The following SUDS3 variants were observed in gnomAD, a reference collection of about 807,000 sequenced individuals.
The protein encoded by SUDS3 is sin3 histone deacetylase corepressor complex component SDS3.
A neutral mutation model predicts 53.5 loss-of-function variants in SUDS3; 23 were observed. The observed-to-expected ratio is 0.43, with a 90% CI of 0.31 to 0.61. SUDS3 has a LOEUF of 0.61. Among genes scored for constraint, SUDS3 ranks in the 20% least tolerant of loss-of-function variants. The pLI, the probability that SUDS3 is intolerant of heterozygous loss-of-function variation, is 0.10. For synonymous variants in SUDS3, 150 were observed against 148.5 expected (o/e 1.01, Z -0.08); for missense variants, 291 against 405.9 (o/e 0.72, Z 2.43).
intron 10 of SUDS3, among the ~76,000 whole-genome samples, chr12:118,406,989 C>T (rs1373448945): frequency 6.6e-6 from 1 of 151,842 alleles, no homozygotes; most frequent in Admixed American, 6.6e-5. Flanking sequence ...CTTGATCCCC[C>T]TGGCTCAAGC....
rs201151599 is a variant in SUDS3, at chr12:118,401,802, T to C, written c.657T>C (p.Asp219=). The C allele has an allele frequency of 6.8e-6, 11 of 1,613,960 alleles. No individual in the cohort carries two copies. The highest frequency in any genetic ancestry group is 2.7e-5 in the African/African-American group (2 of 75,066). ...TAACAGATGAACAGATCATGGAGGA[T>C]CTGAGAACATTAAATAAGGTACGGT... ...YLLTDEQIME[D]LRTLNKLKSP... is the part of the protein sequence containing the mutation. Residue 219 remains aspartate, a synonymous_variant, in exon 8 of 12, where the codon GAT becomes GAC. Coordinates refer to ENST00000543473, the MANE Select transcript of SUDS3 (RefSeq NM_022491.3).
chr12:118,381,289 C>A (rs1284394853), intron 2 of SUDS3, among the ~76,000 whole-genome samples: 2 of 151,996 alleles, frequency 1.3e-5, no homozygotes, highest in African/African-American at 4.8e-5. Flanking sequence ...ACCACAACCT[C>A]CACCTCCCAG....
At chr12:118,407,053 T>C (rs1028202826) in intron 10 of SUDS3, among the ~76,000 whole-genome samples, 3 of 151,886 alleles carry the variant, frequency 2.0e-5, no homozygotes, top group Non-Finnish European at 4.4e-5. Context: ...TCCATTACCA[T>C]GCCTGGCTAA....
chr12:118,404,531 A>G (rs1322441767), intron 10 of SUDS3: 2 of 152,246 alleles, frequency 1.3e-5, no homozygotes, highest in Admixed American at 6.5e-5. Flanking sequence ...TCATTCAACA[A>G]ACATTTCTTC....
chr12:118,382,668 T>C (rs1179649073), intron 2 of SUDS3, among the ~76,000 whole-genome samples: 1 of 101,150 alleles, frequency 9.9e-6, no homozygotes, highest in Admixed American at 9.6e-5. Flanking sequence ...TGCCCAGCCT[T>C]TTTTTTTTTT....
intron 4 of SUDS3, among the ~76,000 whole-genome samples, chr12:118,389,703 A>G (rs1456955508): frequency 2.0e-5 from 3 of 152,074 alleles, no homozygotes; most frequent in Admixed American, 6.6e-5. Context: ...TTTAGTAGAG[A>G]TGGGGTTTCG....
rs2046280933 is a variant in SUDS3, at chr12:118,403,375, T to C, written c.698-37T>C. On this transcript the variant is annotated intron_variant, in intron 9 of 11. Transcript: ENST00000543473. Reference sequence around the variant, plus strand: ...TAACTGGTAGACTCGCATGTGTTTGTTACATTCTTAGTCACGTAAGTATTG... The same window carrying C: ...TAACTGGTAGACTCGCATGTGTTTGCTACATTCTTAGTCACGTAAGTATTG... The C allele has an allele frequency of 2.0e-6, 3 of 1,516,172 alleles. No homozygotes were observed. In the South Asian group the frequency reaches 3.5e-5, roughly 18 times the overall value. 93.9% of individuals were successfully genotyped at this position (1,516,172 alleles called of 1,614,324 possible).
chr12:118,381,038 A>G (rs1217695373), intron 2 of SUDS3, among the ~76,000 whole-genome samples: 1 of 152,078 alleles, frequency 6.6e-6, no homozygotes. Context: ...GGGCAAACCA[A>G]TGCACAGAGA....
intron 10 of SUDS3, 41 bp downstream of exon 10, chr12:118,403,558 G>T: frequency 6.7e-7 from 1 of 1,501,622 alleles, no homozygotes; most frequent in South Asian, 1.2e-5. Context: ...AGTCTCATAT[G>T]AACCACTTGG....
intron 2 of SUDS3, among the ~76,000 whole-genome samples, chr12:118,380,982 C>T (rs979034159): frequency 3.9e-5 from 6 of 152,118 alleles, no homozygotes; most frequent in Non-Finnish European, 7.4e-5. Flanking sequence ...GGATTACAGG[C>T]GCGAGCCACT....
At chr12:118,391,323 CG>C (rs538977281) in intron 6 of SUDS3, 41 bp downstream of exon 6, 25 of 1,564,378 alleles carry the variant, frequency 1.6e-5, no homozygotes, top group Middle Eastern at 1.7e-4. Context: ...GGGCCCTGAG[CG>C]GGGGGGTGTG....
In SUDS3 at chr12:118,376,825, C is replaced by G. The variant is rs765352402; in HGVS notation, c.134C>G (p.Ser45Trp). ...DDERSCRGRE[S>W]DEDTEDASET... Reference sequence around the variant, plus strand: ...GAGCGCAGCTGTCGGGGCCGCGAGTCGGACGAAGGTGAGTCCTGCCGCTCG... The same window carrying G: ...GAGCGCAGCTGTCGGGGCCGCGAGTGGGACGAAGGTGAGTCCTGCCGCTCG... The change falls in exon 1 of 12, where the codon TCG (serine) becomes TGG (tryptophan). Residue 45 changes from serine (S) to tryptophan (W), a missense_variant. Transcript: ENST00000543473. 1.3e-6 allele frequency: 2 copies of G among 1,519,030 alleles called. No individual in the cohort carries two copies. The highest frequency in any genetic ancestry group is 2.4e-5 in the South Asian group (2 of 82,932). 94.1% of individuals were successfully genotyped at this position (1,519,030 alleles called of 1,614,324 possible). A position where few individuals can be genotyped will look rare whatever the true frequency, so the allele number is the denominator to read the frequency against.
At chr12:118,378,211 G>A (rs986246237) in intron 1 of SUDS3, among the ~76,000 whole-genome samples, 1 of 152,078 alleles carries the variant, frequency 6.6e-6, no homozygotes, top group African/African-American at 2.4e-5. Context: ...AACAGTTTTC[G>A]TTTGATCATC....
At chr12:118,393,091 A>G (rs920425504) in intron 6 of SUDS3, among the ~76,000 whole-genome samples, 14 of 152,356 alleles carry the variant, frequency 9.2e-5, no homozygotes, top group African/African-American at 3.1e-4. Context: ...TGGTATGGAA[A>G]GCACTGCCAA....
At chr12:118,410,844 G>C (rs934961063) in intron 10 of SUDS3, among the ~76,000 whole-genome samples, 2 of 152,052 alleles carry the variant, frequency 1.3e-5, no homozygotes, top group Non-Finnish European at 2.9e-5. Context: ...TGATCCGCCT[G>C]CCTCGGCCTC....
chr12:118,411,234 A>T (rs2046356634), intron 11 of SUDS3, 77 bp downstream of exon 11: 2 of 1,316,208 alleles, frequency 1.5e-6, no homozygotes, highest in East Asian at 5.0e-5. Flanking sequence ...CCTGAAATGA[A>T]AGTGCCACCA....
At position 118,376,979 on chromosome 12, in the gene SUDS3, T is replaced by C. The variant is rs547510602; in HGVS notation, c.142+146T>C. On this transcript the variant is annotated intron_variant, in intron 1 of 11. Coordinates refer to ENST00000543473, the MANE Select transcript of SUDS3 (RefSeq NM_022491.3). ...CCGGGAGTTGCGGGGCTCGGGGAAG[T>C]TACCCCCATCCGTGCTGGAGTAGCG... 2.5e-4 allele frequency: 282 copies of C among 1,108,480 alleles called. 1 individual carries two copies. The African/African-American group carries it at 4.1e-3, about 16-fold the overall frequency. 68.7% of individuals were successfully genotyped at this position (1,108,480 alleles called of 1,614,324 possible). A position where few individuals can be genotyped will look rare whatever the true frequency, so the allele number is the denominator to read the frequency against.
chr12:118,383,379 C>A (rs1460029614), intron 2 of SUDS3, among the ~76,000 whole-genome samples: 2 of 152,202 alleles, frequency 1.3e-5, no homozygotes, highest in African/African-American at 4.8e-5. Flanking sequence ...GCCTATAATC[C>A]ATTAGGTGTG....
At chr12:118,408,618 G>A (rs1431345234) in intron 10 of SUDS3, among the ~76,000 whole-genome samples, 1 of 152,046 alleles carries the variant, frequency 6.6e-6, no homozygotes, top group African/African-American at 2.4e-5. Flanking sequence ...ACAGGCGTGA[G>A]CCACTGCACC....
Sources: gnomAD v4.1 joint callset for allele counts (sites outside exome capture counted in the v4.1 genomes callset) on GRCh38, gnomAD v4.1.1 for gene constraint, MANE v1.5 for transcripts, NCBI Gene and HGNC (gene_info 2026-07-23, HGNC 2026-07-21) for gene names.